Variants in MBD5 observed in about 807,000 individuals in gnomAD.
MBD5 encodes methyl-CpG-binding domain protein 5.
A neutral mutation model predicts 117.3 loss-of-function variants in MBD5; 13 were observed. That is an observed-to-expected ratio of 0.11 (90% CI 0.07 to 0.18). MBD5 has a LOEUF of 0.18. MBD5 is among the 10% of genes least tolerant of loss of function. MBD5 has a pLI of 1.00. For synonymous variants in MBD5, 727 were observed against 766.4 expected, an observed-to-expected ratio of 0.95 and a Z score of 0.85; for missense variants, 1,879 against 2,093.8, an observed-to-expected ratio of 0.90 and a Z score of 2.00.
At chr2:148,199,970 A>G (rs553477543) in intron 2 of MBD5, among the ~76,000 whole-genome samples, 1 of 152,338 alleles carries the variant, frequency 6.6e-6, no homozygotes, top group Admixed American at 6.5e-5. Flanking sequence ...CAAAATAATC[A>G]TCTTAGGAAG....
intron 1 of MBD5, among the ~76,000 whole-genome samples, chr2:148,083,723 G>T (rs971370387): frequency 1.3e-5 from 2 of 152,078 alleles, no homozygotes; most frequent in Non-Finnish European, 2.9e-5. Flanking sequence ...TGCCTCTCGG[G>T]TTCAAGTGAT....
intron 1 of MBD5, among the ~76,000 whole-genome samples, chr2:148,139,544 T>C (rs1016036357): frequency 2.6e-5 from 4 of 152,112 alleles, no homozygotes; most frequent in Non-Finnish European, 2.9e-5. Flanking sequence ...TATGTAGATA[T>C]GAAAGTTGTG....
Position 148,469,078 on chromosome 2 carries a change from A to G in MBD5, c.1135A>G (p.Thr379Ala), listed in dbSNP as rs959566693. ...VNQNPVIINP[T>A]SFHSNVHSQV... ...TCAGAACCCTGTTATCATTAATCCA[A>G]CCAGTTTCCATTCAAATGTCCACTC... Residue 379 changes from threonine (T) to alanine (A), a missense_variant, in exon 8 of 14, where the codon ACC becomes GCC. Physicochemically the swap from Thr to Ala is moderately conservative, Grantham distance 58 (BLOSUM62 0). Transcript: ENST00000642680. 9 of 1,613,868 alleles carry G rather than the reference A, an allele frequency of 5.6e-6. No homozygotes were observed. The African/African-American group carries it at 6.7e-5, about 12-fold the overall frequency.
At chr2:148,347,611 C>T (rs1703153550) in intron 4 of MBD5, 1 of 151,888 alleles carries the variant, frequency 6.6e-6, no homozygotes, top group South Asian at 2.1e-4. Context: ...TCCCCACCTC[C>T]AGTGCCGACT....
chr2:148,129,312 G>A (rs2105457613), intron 1 of MBD5, among the ~76,000 whole-genome samples: 1 of 152,144 alleles, frequency 6.6e-6, no homozygotes, highest in Admixed American at 6.5e-5. Flanking sequence ...TGGCCAACAT[G>A]GTGAAACCCT....
chr2:148,321,390 G>A (rs1484529613), intron 3 of MBD5, among the ~76,000 whole-genome samples: 1 of 152,130 alleles, frequency 6.6e-6, no homozygotes. Context: ...GCCATCCTGG[G>A]TCTCATGCAG....
chr2:148,487,218 G>A (rs1253437953), intron 10 of MBD5, among the ~76,000 whole-genome samples: 2 of 152,096 alleles, frequency 1.3e-5, no homozygotes, highest in African/African-American at 2.4e-5. Flanking sequence ...ATAATCATAC[G>A]CTAAAGGAAA....
At chr2:148,170,477 T>G (rs1426795572) in intron 1 of MBD5, among the ~76,000 whole-genome samples, 1 of 152,224 alleles carries the variant, frequency 6.6e-6, no homozygotes, top group East Asian at 1.9e-4. Flanking sequence ...TTTAATTCAT[T>G]GACTGTTTGA....
intron 3 of MBD5, among the ~76,000 whole-genome samples, chr2:148,307,457 A>G (rs958837705): frequency 2.6e-5 from 4 of 151,218 alleles, no homozygotes; most frequent in Admixed American, 2.0e-4. Flanking sequence ...TTCCTCTTTC[A>G]CATCCTAAAA....
At chr2:148,489,074 A>T (rs1559098280) in intron 10 of MBD5, among the ~76,000 whole-genome samples, 1 of 152,158 alleles carries the variant, frequency 6.6e-6, no homozygotes, top group Non-Finnish European at 1.5e-5. Context: ...AAATAAATGG[A>T]GTCATCCCAA....
chr2:148,383,884 G>C (rs537173687), intron 4 of MBD5, among the ~76,000 whole-genome samples: 1 of 152,262 alleles, frequency 6.6e-6, no homozygotes, highest in East Asian at 1.9e-4. Context: ...AATAAATGTA[G>C]AAAAGGCCTT....
chr2:148,376,943 C>T (rs1028429285), intron 4 of MBD5, among the ~76,000 whole-genome samples: 2 of 143,756 alleles, frequency 1.4e-5, no homozygotes, highest in African/African-American at 5.1e-5. Context: ...TTAGCAAGTA[C>T]TTATTGAATG....
At chr2:148,148,040 C>T (rs1202477949) in intron 1 of MBD5, among the ~76,000 whole-genome samples, 2 of 152,010 alleles carry the variant, frequency 1.3e-5, no homozygotes, top group African/African-American at 4.8e-5. Context: ...TTTTGTAAGC[C>T]TCTTGTTAGC....
At chr2:148,486,379 G>T (rs1681340644) in intron 10 of MBD5, among the ~76,000 whole-genome samples, 1 of 152,116 alleles carries the variant, frequency 6.6e-6, no homozygotes. Context: ...GGTGGAAAGG[G>T]TAACACTAAA....
intron 1 of MBD5, among the ~76,000 whole-genome samples, chr2:148,163,756 C>A (rs1449517089): frequency 1.3e-5 from 2 of 151,924 alleles, no homozygotes; most frequent in Non-Finnish European, 2.9e-5. Flanking sequence ...TAGAATAGCG[C>A]TTGGTATGTA....
chr2:148,155,528 G>T (rs1014598434), intron 1 of MBD5, among the ~76,000 whole-genome samples: 1 of 152,104 alleles, frequency 6.6e-6, no homozygotes, highest in Non-Finnish European at 1.5e-5. Context: ...CATCTTGTAA[G>T]TTATCACATT....
At chr2:148,243,239 C>T (rs962024847) in intron 3 of MBD5, among the ~76,000 whole-genome samples, 75 of 151,906 alleles carry the variant, frequency 4.9e-4, no homozygotes, top group African/African-American at 1.6e-3. Flanking sequence ...CCTGTCAGGA[C>T]GTGATTTCTT....
chr2:148,079,764 G>A (rs1454789491), intron 1 of MBD5, among the ~76,000 whole-genome samples: 2 of 151,976 alleles, frequency 1.3e-5, no homozygotes, highest in East Asian at 3.9e-4. Flanking sequence ...GGCTGAGGTA[G>A]TAGAATAGCT....
At chr2:148,257,183 A>T (rs1049975123) in intron 3 of MBD5, among the ~76,000 whole-genome samples, 1 of 152,150 alleles carries the variant, frequency 6.6e-6, no homozygotes, top group Non-Finnish European at 1.5e-5. Flanking sequence ...AAACAAAACC[A>T]TCTGTGTTCA....
Sources: allele counts gnomAD v4.1 joint callset (sites outside exome capture counted in the v4.1 genomes callset), GRCh38; gene constraint gnomAD v4.1.1; transcripts MANE v1.5; gene names NCBI Gene and HGNC (gene_info 2026-07-23, HGNC 2026-07-21).